Variants in ZBTB20 observed in about 807,000 individuals in gnomAD.
ZBTB20 encodes zinc finger and BTB domain-containing protein 20.
In ZBTB20, 9 loss-of-function variants were observed where a neutral mutation model predicts 56.9. The ratio of observed to expected loss-of-function variants is 0.16; its 90% CI spans 0.10 to 0.28. ZBTB20 has a LOEUF of 0.28. Among genes scored for constraint, ZBTB20 ranks in the 10% least tolerant of loss-of-function variants. The probability of loss-of-function intolerance (pLI) is 1.00; values close to 1 mark genes in which losing one functional copy is unlikely to be tolerated. For missense variants in ZBTB20, 655 were observed against 1,003.0 expected, an observed-to-expected ratio of 0.65 and a Z score of 4.69; for synonymous variants, 417 against 420.7, an observed-to-expected ratio of 0.99 and a Z score of 0.11.
intron 4 of ZBTB20, chr3:114,873,981 A>G (rs1295082591): frequency 6.6e-6 from 1 of 152,208 alleles, no homozygotes; most frequent in East Asian, 1.9e-4. Context: ...CAAATAACTT[A>G]TGAATACATC....
At chr3:115,034,239 A>C (rs1156855737) in intron 2 of ZBTB20, among the ~76,000 whole-genome samples, 3 of 151,816 alleles carry the variant, frequency 2.0e-5, no homozygotes, top group Non-Finnish European at 4.4e-5. Flanking sequence ...GCAGTTAATT[A>C]GGAAAAAAAG....
intron 2 of ZBTB20, among the ~76,000 whole-genome samples, chr3:115,009,640 T>C (rs547198006): frequency 6.6e-6 from 1 of 152,008 alleles, no homozygotes; most frequent in African/African-American, 2.4e-5. Context: ...AATGCAACAG[T>C]GTTGAAAGGT....
intron 3 of ZBTB20, among the ~76,000 whole-genome samples, chr3:114,908,647 G>T (rs916980831): frequency 9.9e-5 from 15 of 151,868 alleles, no homozygotes; most frequent in African/African-American, 3.6e-4. Flanking sequence ...GTCAGCAGAT[G>T]AAAAACTTTA....
At chr3:114,638,534 A>C (rs1298642441) in intron 6 of ZBTB20, among the ~76,000 whole-genome samples, 1 of 152,086 alleles carries the variant, frequency 6.6e-6, no homozygotes, top group Non-Finnish European at 1.5e-5. Context: ...TGAATTCACC[A>C]AACTGTTCTT....
At chr3:114,761,493 A>C (rs1479911238) in intron 5 of ZBTB20, among the ~76,000 whole-genome samples, 3 of 152,184 alleles carry the variant, frequency 2.0e-5, no homozygotes, top group African/African-American at 7.2e-5. Flanking sequence ...AATCAGATTT[A>C]TTACTTTATA....
chr3:114,694,088 G>C (rs574944358), intron 5 of ZBTB20, among the ~76,000 whole-genome samples: 1 of 152,054 alleles, frequency 6.6e-6, no homozygotes, highest in Admixed American at 6.6e-5. Flanking sequence ...TTTACCCTCG[G>C]TTTCATGAGT....
intron 6 of ZBTB20, among the ~76,000 whole-genome samples, chr3:114,657,059 A>G (rs749375931): frequency 2.0e-5 from 3 of 152,240 alleles, no homozygotes; most frequent in Non-Finnish European, 4.4e-5. Context: ...AAAAAATTAC[A>G]TGTCACATTT....
chr3:114,373,628 G>A (rs1271622923), intron 10 of ZBTB20, among the ~76,000 whole-genome samples: 1 of 151,954 alleles, frequency 6.6e-6, no homozygotes, highest in Non-Finnish European at 1.5e-5. Flanking sequence ...CTCTTTCCTC[G>A]GGGGCTCTGT....
At chr3:114,476,524 G>A (rs1458214848) in intron 7 of ZBTB20, among the ~76,000 whole-genome samples, 1 of 152,204 alleles carries the variant, frequency 6.6e-6, no homozygotes, top group African/African-American at 2.4e-5. Context: ...CTGGCATCTG[G>A]TGAGGGCCTT....
At chr3:114,515,174 A>G (rs2045846929) in intron 6 of ZBTB20, among the ~76,000 whole-genome samples, 1 of 152,220 alleles carries the variant, frequency 6.6e-6, no homozygotes, top group Admixed American at 6.5e-5. Context: ...TTACGGGGAC[A>G]CATATGGCTC....
At chr3:115,068,546 T>C (rs984402669) in intron 2 of ZBTB20, among the ~76,000 whole-genome samples, 4 of 152,068 alleles carry the variant, frequency 2.6e-5, no homozygotes, top group African/African-American at 7.2e-5. Context: ...TATTCATAGA[T>C]AGGAATGAAC....
At chr3:114,849,898 C>CTTTT (rs34170211) in intron 4 of ZBTB20, among the ~76,000 whole-genome samples, 67 of 114,834 alleles carry the variant, frequency 5.8e-4, no homozygotes, top group East Asian at 1.1e-3. Flanking sequence ...ATCAGGAAAT[C>CTTTT]TTTTTTTTTT....
intron 5 of ZBTB20, among the ~76,000 whole-genome samples, chr3:114,706,974 G>A (rs2063758615): frequency 6.6e-6 from 1 of 152,090 alleles, no homozygotes; most frequent in Admixed American, 6.6e-5. Context: ...TATAGACCCT[G>A]TGGGGGTCAA....
intron 7 of ZBTB20, among the ~76,000 whole-genome samples, chr3:114,449,981 G>A (rs1183206632): frequency 1.3e-5 from 2 of 152,118 alleles, no homozygotes; most frequent in Non-Finnish European, 2.9e-5. Context: ...AAAAGTTAAG[G>A]CAGGCAACTC....
chr3:114,481,454 G>A (rs1462767502), intron 7 of ZBTB20, among the ~76,000 whole-genome samples: 1 of 152,096 alleles, frequency 6.6e-6, no homozygotes, highest in Admixed American at 6.5e-5. Context: ...ATTGCATTGG[G>A]AGAGACACAG....
At chr3:114,828,547 G>A (rs1393784380) in intron 4 of ZBTB20, among the ~76,000 whole-genome samples, 1 of 151,738 alleles carries the variant, frequency 6.6e-6, no homozygotes, top group African/African-American at 2.4e-5. Context: ...GATTAAGAAG[G>A]TTATTTATTT....
At chr3:114,352,882 A>G (rs1431378526) in intron 10 of ZBTB20, among the ~76,000 whole-genome samples, 1 of 152,160 alleles carries the variant, frequency 6.6e-6, no homozygotes, top group Admixed American at 6.5e-5. Flanking sequence ...TGCTTTATGT[A>G]CTTGCCACAG....
intron 7 of ZBTB20, among the ~76,000 whole-genome samples, chr3:114,462,394 C>T (rs1441877489): frequency 6.6e-6 from 1 of 152,160 alleles, no homozygotes; most frequent in Non-Finnish European, 1.5e-5. Context: ...GTCTACCTTT[C>T]TATTTATCAG....
At chr3:114,860,215 G>T (rs1474366407) in intron 4 of ZBTB20, among the ~76,000 whole-genome samples, 1 of 152,036 alleles carries the variant, frequency 6.6e-6, no homozygotes, top group Non-Finnish European at 1.5e-5. Flanking sequence ...GCTGAGGCAG[G>T]GGAATCGCTT....
Sources: gnomAD v4.1 joint callset for allele counts (sites outside exome capture counted in the v4.1 genomes callset) on GRCh38, gnomAD v4.1.1 for gene constraint, MANE v1.5 for transcripts, NCBI Gene and HGNC (gene_info 2026-07-23, HGNC 2026-07-21) for gene names.